The following SORCS1 variants were observed in gnomAD, a reference collection of about 807,000 sequenced individuals.
The protein encoded by SORCS1 is sortilin related VPS10 domain containing receptor 1, also known as VPS10 domain-containing receptor SorCS1.
A neutral mutation model predicts 146.1 loss-of-function variants in SORCS1; 60 were observed. That is an observed-to-expected ratio of 0.41 (90% CI 0.33 to 0.51). SORCS1 has a LOEUF of 0.51. Among genes scored for constraint, SORCS1 ranks in the 20% least tolerant of loss-of-function variants. The pLI is 0.21. For synonymous variants in SORCS1, 637 were observed against 584.0 expected (o/e 1.09, Z -1.31); for missense variants, 1,352 against 1,487.6 (o/e 0.91, Z 1.50).
intron 16 of SORCS1, among the ~76,000 whole-genome samples, chr10:106,668,943 C>A (rs1275897262): frequency 6.6e-6 from 1 of 152,126 alleles, no homozygotes; most frequent in Non-Finnish European, 1.5e-5. Flanking sequence ...CACCGAAACT[C>A]CAGCTACCGG....
At chr10:106,759,229 A>T (rs1197535299) in intron 5 of SORCS1, among the ~76,000 whole-genome samples, 4 of 152,318 alleles carry the variant, frequency 2.6e-5, no homozygotes, top group African/African-American at 9.6e-5. Flanking sequence ...CTAAAGGCTG[A>T]TGAGAGGCAG....
chr10:106,645,720 T>G (rs1482296914), intron 18 of SORCS1, among the ~76,000 whole-genome samples: 4 of 131,436 alleles, frequency 3.0e-5, no homozygotes, highest in African/African-American at 8.2e-5. Flanking sequence ...AAAATTATGT[T>G]TATTTTGCAT....
intron 2 of SORCS1, among the ~76,000 whole-genome samples, chr10:106,908,072 T>C (rs1355514507): frequency 6.6e-6 from 1 of 152,170 alleles, no homozygotes; most frequent in Non-Finnish European, 1.5e-5. Context: ...TTTTTCTGGG[T>C]AGAGATCTCT....
intron 16 of SORCS1, among the ~76,000 whole-genome samples, chr10:106,668,624 G>A (rs951489438): frequency 6.6e-6 from 1 of 152,296 alleles, no homozygotes; most frequent in South Asian, 2.1e-4. Flanking sequence ...TCTGTGTAAT[G>A]GAGGTGAGAT....
intron 3 of SORCS1, among the ~76,000 whole-genome samples, chr10:106,824,588 CAAA>C (rs397846847): frequency 4.2e-5 from 3 of 71,176 alleles, no homozygotes; most frequent in Admixed American, 1.6e-4. Flanking sequence ...GACTTCATCT[CAAA>C]AAAAAAAAAA....
chr10:107,078,605 G>C (rs765424073), intron 1 of SORCS1, among the ~76,000 whole-genome samples: 1 of 152,060 alleles, frequency 6.6e-6, no homozygotes, highest in African/African-American at 2.4e-5. Context: ...CTCAGTATCA[G>C]ATCTTCTTTT....
chr10:106,987,713 C>T (rs1339455499), intron 1 of SORCS1, among the ~76,000 whole-genome samples: 1 of 152,092 alleles, frequency 6.6e-6, no homozygotes, highest in Non-Finnish European at 1.5e-5. Context: ...TTTTCTTCTT[C>T]CTCAGAATTT....
intron 2 of SORCS1, among the ~76,000 whole-genome samples, chr10:106,888,963 CA>C (rs1564776980): frequency 6.6e-6 from 1 of 151,938 alleles, no homozygotes; most frequent in African/African-American, 2.4e-5. Flanking sequence ...TTATGTGACA[CA>C]AAAAACTACT....
intron 2 of SORCS1, among the ~76,000 whole-genome samples, chr10:106,891,047 A>G (rs1274080994): frequency 2.6e-5 from 4 of 152,206 alleles, no homozygotes; most frequent in Non-Finnish European, 5.9e-5. Flanking sequence ...TTAGTGGAAC[A>G]TATCTTCTGA....
At chr10:107,020,121 A>G (rs1958068238) in intron 1 of SORCS1, among the ~76,000 whole-genome samples, 1 of 152,260 alleles carries the variant, frequency 6.6e-6, no homozygotes, top group Admixed American at 6.5e-5. Context: ...ACCTCAAATT[A>G]TCCAAGTCAC....
intron 2 of SORCS1, among the ~76,000 whole-genome samples, chr10:106,912,163 A>G (rs1952198781): frequency 6.6e-6 from 1 of 152,028 alleles, no homozygotes; most frequent in South Asian, 2.1e-4. Flanking sequence ...GCTCAGAAGT[A>G]AAGGCTTCTT....
chr10:106,666,417 G>C (rs529694489), intron 17 of SORCS1, among the ~76,000 whole-genome samples: 5 of 152,292 alleles, frequency 3.3e-5, no homozygotes, highest in Admixed American at 2.6e-4. Flanking sequence ...TGGTTCTATG[G>C]TTTCAGGCCT....
At chr10:106,696,412 C>T (rs1005564570) in intron 9 of SORCS1, among the ~76,000 whole-genome samples, 1 of 152,172 alleles carries the variant, frequency 6.6e-6, no homozygotes, top group African/African-American at 2.4e-5. Context: ...CTGTGTCAGC[C>T]AATATTCTTT....
At chr10:106,698,966 G>A (rs113819465) in intron 9 of SORCS1, among the ~76,000 whole-genome samples, 96 of 152,192 alleles carry the variant, frequency 6.3e-4, no homozygotes, top group African/African-American at 2.1e-3. Context: ...CAGACATTCC[G>A]CAAGTCCACA....
chr10:107,144,038 C>T (rs1019816694), intron 1 of SORCS1, among the ~76,000 whole-genome samples: 20 of 152,272 alleles, frequency 1.3e-4, no homozygotes, highest in African/African-American at 4.8e-4. Context: ...CCCTTCCTTT[C>T]ATGGGCTGTT....
chr10:106,613,749 C>T (rs922445467), intron 21 of SORCS1, among the ~76,000 whole-genome samples: 2 of 152,196 alleles, frequency 1.3e-5, no homozygotes, highest in Non-Finnish European at 2.9e-5. Flanking sequence ...TAGATTCTTA[C>T]CACAGCCTTC....
the SORCS1 span, among the ~76,000 whole-genome samples, chr10:107,171,677 G>A: frequency 2.0e-5 from 3 of 151,900 alleles, no homozygotes; most frequent in Non-Finnish European, 4.4e-5. Context: ...CACCATGCCT[G>A]GCTAATTTTT....
intron 2 of SORCS1, among the ~76,000 whole-genome samples, chr10:106,842,126 T>A (rs1433360323): frequency 2.0e-5 from 3 of 151,922 alleles, no homozygotes; most frequent in African/African-American, 7.3e-5. Context: ...TTTTAATAGG[T>A]GTATAGCAGC....
chr10:106,991,212 C>G (rs1227276193), intron 1 of SORCS1, among the ~76,000 whole-genome samples: 1 of 152,320 alleles, frequency 6.6e-6, no homozygotes, highest in Admixed American at 6.5e-5. Context: ...TCCATCCACA[C>G]CAGTGCCTAT....
Sources: allele counts gnomAD v4.1 joint callset (sites outside exome capture counted in the v4.1 genomes callset), GRCh38; gene constraint gnomAD v4.1.1; transcripts MANE v1.5; gene names NCBI Gene and HGNC (gene_info 2026-07-23, HGNC 2026-07-21).